USP4: variants seen among roughly 807,000 people sequenced by gnomAD.
The protein encoded by USP4 is ubiquitin carboxyl-terminal hydrolase 4.
A neutral mutation model predicts 118.2 loss-of-function variants in USP4; 72 were observed. The observed-to-expected ratio is 0.61, with a 90% confidence interval of 0.50 to 0.74. USP4 has a LOEUF of 0.74. Among genes scored for constraint, USP4 ranks in the 30% least tolerant of loss-of-function variants. USP4 has a pLI of 0.00. For synonymous variants in USP4, 415 were observed against 440.4 expected, an observed-to-expected ratio of 0.94 and a Z score of 0.72; for missense variants, 1,037 against 1,185.7, an observed-to-expected ratio of 0.87 and a Z score of 1.84.
chr3:49,324,818 T>C, intron 5 of USP4, 55 bp from the exon 6 acceptor site: 1 of 1,613,424 alleles, frequency 6.2e-7, no homozygotes, highest in Non-Finnish European at 8.5e-7. Flanking sequence ...ACTTCCAACA[T>C]GCTTAGAAGC....
intron 13 of USP4, among the ~76,000 whole-genome samples, chr3:49,296,113 C>T (rs982300322): frequency 1.3e-5 from 2 of 151,352 alleles, no homozygotes; most frequent in African/African-American, 4.9e-5. Context: ...GGACGGATTA[C>T]GAGGTCAGGA....
chr3:49,280,202 G>A (rs2107762126), intron 20 of USP4, among the ~76,000 whole-genome samples: 1 of 152,100 alleles, frequency 6.6e-6, no homozygotes, highest in South Asian at 2.1e-4. Flanking sequence ...GGTGGAGGTT[G>A]CAAGTGAGCC....
intron 2 of USP4, among the ~76,000 whole-genome samples, chr3:49,334,716 C>T (rs1385813921): frequency 6.6e-6 from 1 of 152,094 alleles, no homozygotes; most frequent in Non-Finnish European, 1.5e-5. Flanking sequence ...GGGGTTTCAC[C>T]ATGTTGGCCA....
chr3:49,329,676 T>G (rs1418270210), intron 2 of USP4, among the ~76,000 whole-genome samples: 1 of 152,106 alleles, frequency 6.6e-6, no homozygotes, highest in Admixed American at 6.6e-5. Flanking sequence ...CCTGGGATTA[T>G]AGGTATAAGC....
chr3:49,300,736 C>G, intron 10 of USP4, 45 bp from the exon 11 acceptor site: 10 of 1,573,504 alleles, frequency 6.4e-6, no homozygotes, highest in Non-Finnish European at 8.7e-6. Context: ...CCTCTCAGCC[C>G]CTTGCCCCTG....
chr3:49,305,659 G>T, intron 9 of USP4, 56 bp downstream of exon 9: 1 of 1,412,502 alleles, frequency 7.1e-7, no homozygotes, highest in Non-Finnish European at 9.3e-7. Context: ...AACATTTCTG[G>T]TCCCAGGCAT....
intron 9 of USP4, among the ~76,000 whole-genome samples, chr3:49,305,301 A>G (rs1185966779): frequency 6.8e-6 from 1 of 147,328 alleles, no homozygotes; most frequent in Non-Finnish European, 1.5e-5. Context: ...GATGGTCTCA[A>G]TCTCCTGACC....
chr3:49,305,723 T>G lies in USP4; in HGVS notation c.1120A>C (p.Met374Leu), dbSNP rs894361529. 1.2e-6 allele frequency: 2 copies of G among 1,606,720 alleles called. No homozygotes were observed. Among genetic ancestry groups the G allele is most frequent in the East Asian group, 2.2e-5 (1 of 44,608 alleles). The change falls in exon 9 of 22, where the codon ATG becomes CTG. Residue 374 changes from methionine to leucine, a missense_variant. Transcript: ENST00000265560. ...SGRDAHVAPRMFKTQVGRFAP... is the reference protein window; with the variant it reads ...SGRDAHVAPRLFKTQVGRFAP... The stretch of plus-strand genomic sequence containing the variant: ...TATATATGTCTACCTACTTTGAACA[T>G]GCGAGGTGCCACATGGGCGTCCCTT...
chr3:49,305,456 A>G (rs1435631527), intron 9 of USP4, among the ~76,000 whole-genome samples: 1 of 151,252 alleles, frequency 6.6e-6, no homozygotes, highest in Non-Finnish European at 1.5e-5. Context: ...AAAGTGGGAA[A>G]AAGGAAGTAC....
At chr3:49,289,639 G>A (rs1184979138) in intron 15 of USP4, among the ~76,000 whole-genome samples, 1 of 152,138 alleles carries the variant, frequency 6.6e-6, no homozygotes, top group East Asian at 1.9e-4. Context: ...GGGAAGCCGA[G>A]GTGTATGGAT....
In USP4 at chr3:49,311,662, A is replaced by G; in HGVS notation, c.696-8T>C. The stretch of plus-strand genomic sequence containing the variant: ...CTAGGCGCAGTGCTTGATCTGGGAG[A>G]GAGAAGCAGAAACAATGCTACTGAC... On this transcript the variant is annotated splice_polypyrimidine_tract_variant and splice_region_variant and intron_variant, in intron 6 of 21. Coordinates refer to ENST00000265560, the MANE Select transcript of USP4 (RefSeq NM_003363.4). The G allele has an allele frequency of 6.2e-7, 1 of 1,613,288 alleles. No homozygotes were observed. Among genetic ancestry groups the G allele is most frequent in the Middle Eastern group, 1.7e-4 (1 of 6,048 alleles).
At position 49,298,726 on chromosome 3, in the gene USP4, G is replaced by A. The variant is rs1413406129; in HGVS notation, c.1513-91C>T. On this transcript the variant is annotated intron_variant, in intron 11 of 21. Transcript: ENST00000265560. ...AGCAGGCATCACTAGGGGCAGAGGA[G>A]CCCTTCTAGAAACAATGTATGGTGA... 7 of 1,135,558 alleles carry A rather than the reference G, an allele frequency of 6.2e-6. No individual in the cohort carries two copies. The African/African-American group carries it at 7.6e-5, about 12-fold the overall frequency. The allele number at this position is 1,135,558 out of a possible 1,614,324, so 70.3% of individuals were successfully genotyped here.
At position 49,313,808 on chromosome 3, in the gene USP4, C is replaced by G. The variant is rs539739180; in HGVS notation, c.696-2154G>C. ...AATTGCTATCAATTTCATCAATCTG[C>G]TAGAATCTATATAAGGACATAAGGA... is the stretch of plus-strand genomic sequence containing the variant. On this transcript the variant is annotated intron_variant, in intron 6 of 21. Transcript: ENST00000265560. 9 of 152,176 alleles carry G rather than the reference C, an allele frequency of 5.9e-5. No homozygotes were observed. In the South Asian group the frequency reaches 1.2e-3, roughly 21 times the overall value. The allele number at this position is 152,176 out of a possible 1,614,324, so 9.4% of individuals were successfully genotyped here.
chr3:49,317,985 G>A (rs967250728), intron 6 of USP4, among the ~76,000 whole-genome samples: 3 of 151,802 alleles, frequency 2.0e-5, no homozygotes, highest in Admixed American at 6.6e-5. Flanking sequence ...ACAGGCACAC[G>A]CCACCACGCC....
chr3:49,314,517 C>T (rs747150340), intron 6 of USP4, among the ~76,000 whole-genome samples: 4 of 152,138 alleles, frequency 2.6e-5, no homozygotes, highest in Non-Finnish European at 5.9e-5. Flanking sequence ...GTGAGATGTC[C>T]AATGTGATTT....
chr3:49,280,968 G>T, intron 19 of USP4, 121 bp from the exon 20 acceptor site: 2 of 701,674 alleles, frequency 2.9e-6, no homozygotes, highest in Non-Finnish European at 4.9e-6. Context: ...CAAACTATTC[G>T]AGAGAGACCA....
rs1210880765 is a variant in USP4, at chr3:49,280,898, G to A, written c.2541-51C>T. Reference sequence around the variant, plus strand: ...ATTGAATATGTTAAACCCAAACAAAGTAGTTAAGAGTAACCCAGCAACCTC... The same window carrying A: ...ATTGAATATGTTAAACCCAAACAAAATAGTTAAGAGTAACCCAGCAACCTC... On this transcript the variant is annotated intron_variant, in intron 19 of 21. Coordinates refer to ENST00000265560, the MANE Select transcript of USP4 (RefSeq NM_003363.4). 3 of 1,507,072 alleles carry A rather than the reference G, an allele frequency of 2.0e-6. No individual in the cohort carries two copies. The East Asian group carries it at 6.9e-5, about 35-fold the overall frequency. 93.4% of individuals were successfully genotyped at this position (1,507,072 alleles called of 1,614,324 possible).
chr3:49,339,485 A>C (rs2047712084), intron 1 of USP4, among the ~76,000 whole-genome samples: 1 of 152,246 alleles, frequency 6.6e-6, no homozygotes, highest in Non-Finnish European at 1.5e-5. Context: ...TTGGCAGTTT[A>C]CAAGTTACAA....
chr3:49,297,591 G>A (rs540411737), intron 13 of USP4, among the ~76,000 whole-genome samples: 41 of 152,248 alleles, frequency 2.7e-4, no homozygotes, highest in African/African-American at 9.1e-4. Flanking sequence ...ACCATCTGTA[G>A]GAGCAGTGAT....
Sources: allele counts gnomAD v4.1 joint callset (sites outside exome capture counted in the v4.1 genomes callset), GRCh38; gene constraint gnomAD v4.1.1; transcripts MANE v1.5; gene names NCBI Gene and HGNC (gene_info 2026-07-23, HGNC 2026-07-21).